The following EPB41L4A variants were observed in gnomAD, a reference collection of about 807,000 sequenced individuals.
EPB41L4A encodes the protein band 4.1-like protein 4A.
A neutral mutation model predicts 108.6 loss-of-function variants in EPB41L4A; 100 were observed. That is an observed-to-expected ratio of 0.92 (90% confidence interval 0.78 to 1.09). The LOEUF is 1.09. Among genes scored for constraint, EPB41L4A ranks in the 50% least tolerant of loss-of-function variants. The probability of loss-of-function intolerance (pLI) is 0.00; values close to 1 mark genes in which losing one functional copy is unlikely to be tolerated. For synonymous variants in EPB41L4A, 319 were observed against 289.0 expected, an observed-to-expected ratio of 1.10 and a Z score of -1.05; for missense variants, 1,030 against 842.7, an observed-to-expected ratio of 1.22 and a Z score of -2.75.
chr5:112,389,797 T>C (rs1760809154), intron 1 of EPB41L4A, among the ~76,000 whole-genome samples: 3 of 152,188 alleles, frequency 2.0e-5, no homozygotes, highest in African/African-American at 7.2e-5. Flanking sequence ...ATTTCATCTT[T>C]TGACAATGTA....
At chr5:112,406,045 C>T (rs1762053015) in intron 1 of EPB41L4A, among the ~76,000 whole-genome samples, 1 of 152,200 alleles carries the variant, frequency 6.6e-6, no homozygotes, top group African/African-American at 2.4e-5. Context: ...ACACTCAAAA[C>T]ATATTTATCT....
In EPB41L4A at chr5:112,365,206, T is replaced by C. The variant is rs76800846; in HGVS notation, c.99+53735A>G. Among the ~76,000 whole-genome samples the C allele has an allele frequency of 6.4e-4, 97 of 152,338 alleles. No individual in the cohort carries two copies. In the East Asian group the frequency reaches 0.018, roughly 28 times the overall value. ...TTTTATTATTTTAAGTGTTTCATTT[T>C]ACAGAGAGGGTCTCGCTACATGGCC... On this transcript the variant is annotated intron_variant, in intron 1 of 22. Coordinates refer to ENST00000261486, the MANE Select transcript of EPB41L4A (RefSeq NM_022140.5).
At chr5:112,318,972 G>A (rs545619045) in intron 1 of EPB41L4A, among the ~76,000 whole-genome samples, 2 of 152,020 alleles carry the variant, frequency 1.3e-5, no homozygotes, top group African/African-American at 2.4e-5. Flanking sequence ...CATGAAGCAC[G>A]TCCCCAGGTA....
intron 12 of EPB41L4A, among the ~76,000 whole-genome samples, chr5:112,225,288 G>A (rs1421803990): frequency 6.6e-6 from 1 of 152,198 alleles, no homozygotes; most frequent in African/African-American, 2.4e-5. Flanking sequence ...GCCATCTTAT[G>A]TACTTTAATC....
intron 1 of EPB41L4A, among the ~76,000 whole-genome samples, chr5:112,357,756 T>A (rs1228468144): frequency 6.6e-6 from 1 of 152,202 alleles, no homozygotes; most frequent in East Asian, 1.9e-4. Context: ...GATGGATGGT[T>A]AAGGACTTGG....
rs181290486 is a variant in EPB41L4A, at chr5:112,313,955, C to G, written c.100-6465G>C. Among the ~76,000 whole-genome samples, 1,378 of 150,570 alleles carry G rather than the reference C, an allele frequency of 9.2e-3. 18 individuals are homozygous for G. Among genetic ancestry groups the G allele is most frequent in the Non-Finnish European group, 0.012 (836 of 67,710 alleles). On this transcript the variant is annotated intron_variant, in intron 1 of 22. Transcript: ENST00000261486. ...CTCCGCTCACTGCAAGCTCCGCCTCCCGGGTTCACGCCATTCTCCTGCCTC... is the reference window on the plus strand; with the variant it reads ...CTCCGCTCACTGCAAGCTCCGCCTCGCGGGTTCACGCCATTCTCCTGCCTC...
intron 1 of EPB41L4A, among the ~76,000 whole-genome samples, chr5:112,374,385 A>C (rs1020081030): frequency 6.6e-6 from 1 of 152,250 alleles, no homozygotes; most frequent in Non-Finnish European, 1.5e-5. Flanking sequence ...AAAAAGCAGC[A>C]TTATAAGAAA....
intron 1 of EPB41L4A, among the ~76,000 whole-genome samples, chr5:112,337,629 T>C (rs1757005295): frequency 6.6e-6 from 1 of 152,148 alleles, no homozygotes; most frequent in Non-Finnish European, 1.5e-5. Flanking sequence ...CGAGTTCATA[T>C]TCCCTGCTAC....
chr5:112,233,779 A>T (rs2150364695), intron 12 of EPB41L4A, among the ~76,000 whole-genome samples: 1 of 152,160 alleles, frequency 6.6e-6, no homozygotes, highest in East Asian at 1.9e-4. Context: ...TTTCAACTCA[A>T]ATACATCAAA....
chr5:112,312,484 GCTTT>G (rs1755113852), intron 1 of EPB41L4A, among the ~76,000 whole-genome samples: 1 of 152,060 alleles, frequency 6.6e-6, no homozygotes, highest in Non-Finnish European at 1.5e-5. Flanking sequence ...TCCCTCTATA[GCTTT>G]CTGTATAGTG....
At chr5:112,323,301 C>T (rs1013905075) in intron 1 of EPB41L4A, among the ~76,000 whole-genome samples, 1 of 152,176 alleles carries the variant, frequency 6.6e-6, no homozygotes, top group Non-Finnish European at 1.5e-5. Flanking sequence ...TCCCAGCAAG[C>T]TTAGGCAGCA....
intron 17 of EPB41L4A, among the ~76,000 whole-genome samples, chr5:112,185,266 G>A (rs1422126788): frequency 6.6e-6 from 1 of 152,144 alleles, no homozygotes; most frequent in African/African-American, 2.4e-5. Flanking sequence ...TAACTGCTTC[G>A]AGACAAAAGT....
Position 112,408,675 on chromosome 5 carries a change from CAAAAAAAAAAAAAAAAAAA to C in EPB41L4A, c.99+10247_99+10265del, listed in dbSNP as rs869290279. ...TGGGCAACATGGTGAGACTCCATCT[CAAAAAAAAAAAAAAAAAAA>C]AAAAAAAAAAAAAAAAAAAAAAAAG... On this transcript the variant is annotated intron_variant, in intron 1 of 22. Coordinates refer to ENST00000261486, the MANE Select transcript of EPB41L4A (RefSeq NM_022140.5). Among the ~76,000 whole-genome samples the C allele has an allele frequency of 2.8e-4, 10 of 35,760 alleles. No individual in the cohort carries two copies. In the South Asian group the frequency reaches 4.6e-3, roughly 16 times the overall value. The allele number at this position is 35,760 out of a possible 152,430, so 23.5% of individuals were successfully genotyped here.
intron 1 of EPB41L4A, among the ~76,000 whole-genome samples, chr5:112,388,112 T>C (rs925571330): frequency 1.3e-5 from 2 of 152,122 alleles, no homozygotes; most frequent in Non-Finnish European, 2.9e-5. Context: ...ATCATTAAAT[T>C]AATTCAAAAC....
At chr5:112,388,326 AAG>A (rs1760697118) in intron 1 of EPB41L4A, among the ~76,000 whole-genome samples, 1 of 152,188 alleles carries the variant, frequency 6.6e-6, no homozygotes, top group Non-Finnish European at 1.5e-5. Context: ...GCGGTGAGGC[AAG>A]AGAGAAGGAA....
chr5:112,412,425 T>C (rs1321484140), intron 1 of EPB41L4A, among the ~76,000 whole-genome samples: 1 of 152,200 alleles, frequency 6.6e-6, no homozygotes, highest in African/African-American at 2.4e-5. Flanking sequence ...TAAGACATAA[T>C]GACTATTTCA....
At chr5:112,342,334 T>A (rs892327220) in intron 1 of EPB41L4A, among the ~76,000 whole-genome samples, 2 of 152,208 alleles carry the variant, frequency 1.3e-5, no homozygotes, top group Non-Finnish European at 2.9e-5. Flanking sequence ...AAATTTATCT[T>A]ATCACTGGTC....
chr5:112,260,078 G>A, intron 7 of EPB41L4A, 99 bp from the exon 8 acceptor site: 2 of 877,416 alleles, frequency 2.3e-6, no homozygotes, highest in Non-Finnish European at 1.8e-6. Flanking sequence ...CATTAATATT[G>A]GATTTAATTT....
chr5:112,396,089 G>T (rs1387543158), intron 1 of EPB41L4A, among the ~76,000 whole-genome samples: 1 of 152,014 alleles, frequency 6.6e-6, no homozygotes, highest in Non-Finnish European at 1.5e-5. Flanking sequence ...TCACCCACTG[G>T]GGCCTGTCGT....
Sources: allele counts gnomAD v4.1 joint callset (sites outside exome capture counted in the v4.1 genomes callset), GRCh38; gene constraint gnomAD v4.1.1; transcripts MANE v1.5; gene names NCBI Gene and HGNC (gene_info 2026-07-23, HGNC 2026-07-21).